APP: variants seen among roughly 807,000 people sequenced by gnomAD.
The protein encoded by APP is amyloid-beta precursor protein.
Under a neutral mutation model 101.4 loss-of-function variants are expected in APP, and 31 were observed. The observed-to-expected ratio is 0.31, with a 90% CI of 0.23 to 0.41. The LOEUF is 0.41. Among genes scored for constraint, APP ranks in the 10% least tolerant of loss-of-function variants. The pLI is 1.00. For synonymous variants in APP, 366 were observed against 364.4 expected (o/e 1.00, Z -0.05); for missense variants, 839 against 1,003.7 (o/e 0.84, Z 2.22).
chr21:26,018,341 C>T (rs746837022), intron 6 of APP, among the ~76,000 whole-genome samples: 7 of 152,222 alleles, frequency 4.6e-5, no homozygotes, highest in Non-Finnish European at 7.3e-5. Flanking sequence ...TGCAGTATCT[C>T]ATCTTTGCAA....
rs2146191813 is a variant in APP, at chr21:25,881,420, T to C, written c.*250A>G. On this transcript the variant is annotated 3_prime_UTR_variant, in exon 18 of 18. Transcript: ENST00000346798. ...ACTAGTTTGATACAGCTAAATTCTTTACAGTACACAAAACCCATTAATAAT... is the reference window on the plus strand; with the variant it reads ...ACTAGTTTGATACAGCTAAATTCTTCACAGTACACAAAACCCATTAATAAT... 1.8e-6 allele frequency: 1 copy of C among 554,732 alleles called. No individual in the cohort carries two copies. The highest frequency in any genetic ancestry group is 3.2e-6 in the Non-Finnish European group (1 of 309,474). The allele number at this position is 554,732 out of a possible 1,614,324, so 34.4% of individuals were successfully genotyped here.
At chr21:26,016,863 C>T (rs1251644240) in intron 6 of APP, among the ~76,000 whole-genome samples, 2 of 151,572 alleles carry the variant, frequency 1.3e-5, no homozygotes, top group African/African-American at 4.9e-5. Context: ...AGCCATTGCG[C>T]CCAGCCCAGG....
chr21:25,972,114 A>G (rs2042052982), intron 11 of APP, among the ~76,000 whole-genome samples: 1 of 152,244 alleles, frequency 6.6e-6, no homozygotes, highest in Non-Finnish European at 1.5e-5. Flanking sequence ...AACAGTTTTC[A>G]TATAATAACT....
At chr21:26,142,721 A>C (rs927280824) in intron 1 of APP, among the ~76,000 whole-genome samples, 1 of 152,086 alleles carries the variant, frequency 6.6e-6, no homozygotes, top group Admixed American at 6.6e-5. Context: ...GTGAGCTAAG[A>C]CCACACCACT....
intron 2 of APP, among the ~76,000 whole-genome samples, chr21:26,100,879 A>T (rs748242975): frequency 2.4e-4 from 36 of 152,176 alleles, no homozygotes; most frequent in Non-Finnish European, 4.6e-4. Context: ...AGCCACGTTC[A>T]CCTAACTTTC....
chr21:26,056,815 TTAAAA>T (rs2145977977), intron 3 of APP, among the ~76,000 whole-genome samples: 1 of 152,310 alleles, frequency 6.6e-6, no homozygotes, highest in Admixed American at 6.5e-5. Flanking sequence ...TATTCTAACA[TTAAAA>T]TAAAATTTAG....
chr21:26,011,646 G>T (rs555239708), intron 6 of APP, among the ~76,000 whole-genome samples: 1 of 152,178 alleles, frequency 6.6e-6, no homozygotes, highest in East Asian at 1.9e-4. Context: ...AACACCAGAA[G>T]GATTCGTGAT....
intron 8 of APP, among the ~76,000 whole-genome samples, chr21:25,995,134 T>C (rs1247176268): frequency 1.3e-5 from 2 of 152,218 alleles, no homozygotes; most frequent in South Asian, 2.1e-4. Flanking sequence ...GGTAGTTACG[T>C]GTACAGCATG....
chr21:25,972,690 C>G (rs1416990479), intron 11 of APP, among the ~76,000 whole-genome samples: 2 of 152,032 alleles, frequency 1.3e-5, no homozygotes, highest in Non-Finnish European at 2.9e-5. Context: ...TACAAGCCAC[C>G]AAGCCCAGTC....
rs371123774 is a variant in APP, at chr21:25,914,957, T to C, written c.1688-2995A>G. On this transcript the variant is annotated intron_variant, in intron 13 of 17. Coordinates refer to ENST00000346798, the MANE Select transcript of APP (RefSeq NM_000484.4). ...TAACAGCACAAACCGACTGAGACAATGGTCTCCCTGCTGGTTTTTATTTTA... is the reference window on the plus strand; with the variant it reads ...TAACAGCACAAACCGACTGAGACAACGGTCTCCCTGCTGGTTTTTATTTTA... Among the ~76,000 whole-genome samples the C allele has an allele frequency of 3.9e-5, 6 of 152,324 alleles. No homozygotes were observed. The East Asian group carries it at 1.2e-3, about 29-fold the overall frequency.
intron 8 of APP, among the ~76,000 whole-genome samples, chr21:25,993,405 A>C (rs1285437337): frequency 6.6e-6 from 1 of 152,178 alleles, no homozygotes; most frequent in Non-Finnish European, 1.5e-5. Context: ...ACTAAGATGA[A>C]ACAGAGAGGA....
chr21:26,167,944 T>C (rs895809623), intron 1 of APP, among the ~76,000 whole-genome samples: 9 of 152,162 alleles, frequency 5.9e-5, no homozygotes, highest in African/African-American at 2.2e-4. Flanking sequence ...GCTTTACTAT[T>C]CTGTGTGTCG....
At chr21:26,009,118 C>T (rs938115182) in intron 6 of APP, among the ~76,000 whole-genome samples, 1 of 152,108 alleles carries the variant, frequency 6.6e-6, no homozygotes, top group Non-Finnish European at 1.5e-5. Context: ...ATAGATATGT[C>T]AAAACGTGAG....
intron 16 of APP, among the ~76,000 whole-genome samples, chr21:25,893,140 T>C (rs1037296843): frequency 5.9e-5 from 9 of 152,158 alleles, no homozygotes; most frequent in Non-Finnish European, 8.8e-5. Context: ...GTTACTATTT[T>C]AATTGTTTTG....
intron 9 of APP, among the ~76,000 whole-genome samples, chr21:25,982,057 T>C (rs183004708): frequency 1.3e-5 from 2 of 152,322 alleles, no homozygotes; most frequent in African/African-American, 2.4e-5. Flanking sequence ...GTACTACATA[T>C]ACACAGAATA....
intron 1 of APP, among the ~76,000 whole-genome samples, chr21:26,154,905 T>C (rs1414471437): frequency 6.6e-6 from 1 of 152,230 alleles, no homozygotes; most frequent in African/African-American, 2.4e-5. Flanking sequence ...CAGTAACCAC[T>C]AGCCATCTGT....
chr21:26,167,424 G>A (rs2063641807), intron 1 of APP, among the ~76,000 whole-genome samples: 1 of 152,158 alleles, frequency 6.6e-6, no homozygotes, highest in South Asian at 2.1e-4. Flanking sequence ...AGATTCTCAA[G>A]GTAATACAAT....
chr21:26,086,297 C>T (rs182259292), intron 3 of APP, among the ~76,000 whole-genome samples: 14 of 152,292 alleles, frequency 9.2e-5, no homozygotes, highest in Admixed American at 9.1e-4. Context: ...AACTTATTCT[C>T]AAGGGAAATT....
At chr21:26,042,637 C>T (rs556269106) in intron 5 of APP, among the ~76,000 whole-genome samples, 3 of 152,188 alleles carry the variant, frequency 2.0e-5, no homozygotes, top group Non-Finnish European at 4.4e-5. Flanking sequence ...CGTGGTGGCT[C>T]ATGCCTGTAA....
Sources: allele counts gnomAD v4.1 joint callset (sites outside exome capture counted in the v4.1 genomes callset), GRCh38; gene constraint gnomAD v4.1.1; transcripts MANE v1.5; gene names NCBI Gene and HGNC (gene_info 2026-07-23, HGNC 2026-07-21).